Variants in CYP4X1 observed in about 807,000 individuals in gnomAD.
CYP4X1 encodes the protein cytochrome P450 family 4 subfamily X member 1, also known as cytochrome P450 4X1.
CYP4X1 carries 44 observed loss-of-function variants against 57.9 expected under a neutral mutation model. The ratio of observed to expected loss-of-function variants is 0.76; its 90% confidence interval spans 0.60 to 0.98. The LOEUF (loss-of-function observed/expected upper bound fraction) is 0.98. Among genes scored for constraint, CYP4X1 ranks in the 50% least tolerant of loss-of-function variants. The pLI is 0.00. For missense variants in CYP4X1, 532 were observed against 623.9 expected (o/e 0.85, Z 1.57); for synonymous variants, 227 against 228.6 (o/e 0.99, Z 0.06).
chr1:47,023,689 C>A lies in CYP4X1; in HGVS notation c.-129C>A, dbSNP rs1443209993. 8 of 1,432,814 alleles carry A rather than the reference C, an allele frequency of 5.6e-6. No individual in the cohort carries two copies. The highest frequency in any genetic ancestry group is 2.8e-5 in the Admixed American group (1 of 35,998). The allele number at this position is 1,432,814 out of a possible 1,614,324, so 88.8% of individuals were successfully genotyped here. On this transcript the variant is annotated 5_prime_UTR_variant, in exon 1 of 12. Coordinates refer to ENST00000371901, the MANE Select transcript of CYP4X1 (RefSeq NM_178033.2). ...CTCCCACTGCCTTTCCTTCTTCCCG[C>A]GAGTCAGAAGCTTCGCGAGGGCCCA...
intron 8 of CYP4X1, among the ~76,000 whole-genome samples, chr1:47,046,262 GA>G (rs1412440533): frequency 6.6e-6 from 1 of 152,124 alleles, no homozygotes; most frequent in African/African-American, 2.4e-5. Context: ...TTATAATAAG[GA>G]TATATGATAT....
chr1:47,050,114 T>C lies in CYP4X1; in HGVS notation c.1470T>C (p.His490=), dbSNP rs771653393. ...CCAGGCCTCTTACTTTCCCCAACCA[T>C]TTTATCCTCAAGCCCAAGAATGGGA... ...DPTRPLTFPN[H]FILKPKNGMY... The change falls in exon 12 of 12, where the codon CAT becomes CAC. Residue 490 remains histidine, a synonymous_variant. Transcript: ENST00000371901. 6.2e-7 allele frequency: 1 copy of C among 1,614,024 alleles called. No individual in the cohort carries two copies. The highest frequency in any genetic ancestry group is 1.1e-5 in the South Asian group (1 of 91,076).
At position 47,030,053 on chromosome 1, in the gene CYP4X1, C is replaced by G; in HGVS notation, c.241C>G (p.Pro81Ala). The change falls in exon 2 of 12, where the codon CCT becomes GCT. Residue 81 changes from proline to alanine, a missense_variant. Coordinates refer to ENST00000371901, the MANE Select transcript of CYP4X1 (RefSeq NM_178033.2). ...EIIEKYPRAFPFWIGPFQAFF... is the reference protein window; with the variant it reads ...EIIEKYPRAFAFWIGPFQAFF... Reference sequence around the variant, plus strand: ...TATTGAAAAATACCCTCGTGCCTTCCCTTTCTGGATTGGGCCCTTTCAGGC... The same window carrying G: ...TATTGAAAAATACCCTCGTGCCTTCGCTTTCTGGATTGGGCCCTTTCAGGC... 1 of 1,614,062 alleles carries G rather than the reference C, an allele frequency of 6.2e-7. No individual in the cohort carries two copies. The highest frequency in any genetic ancestry group is 8.5e-7 in the Non-Finnish European group (1 of 1,179,990).
chr1:46,965,242 T>C, the CYP4X1 span, among the ~76,000 whole-genome samples: 1 of 152,198 alleles, frequency 6.6e-6, no homozygotes, highest in African/African-American at 2.4e-5. Context: ...CTGCACCCAC[T>C]GTGCTGCACC....
the CYP4X1 span, among the ~76,000 whole-genome samples, chr1:47,016,604 G>A: frequency 1.3e-5 from 2 of 152,184 alleles, no homozygotes; most frequent in East Asian, 1.9e-4. Flanking sequence ...GCCTCCCAAA[G>A]TGCTGGGATT....
the CYP4X1 span, among the ~76,000 whole-genome samples, chr1:46,999,206 C>G: frequency 6.6e-6 from 1 of 152,104 alleles, no homozygotes; most frequent in Non-Finnish European, 1.5e-5. Flanking sequence ...TGGCCCCAGA[C>G]TTTTCTTGAT....
At chr1:47,027,833 T>A (rs1644086224) in intron 1 of CYP4X1, among the ~76,000 whole-genome samples, 1 of 152,158 alleles carries the variant, frequency 6.6e-6, no homozygotes, top group African/African-American at 2.4e-5. Context: ...CCTCTAGTAC[T>A]CTCTATCTCC....
chr1:46,970,268 A>G, the CYP4X1 span, among the ~76,000 whole-genome samples: 5 of 152,238 alleles, frequency 3.3e-5, no homozygotes, highest in Admixed American at 1.3e-4. Context: ...ATACAGTGAA[A>G]TTTGGAAGAC....
At chr1:47,036,291 T>A (rs964029237) in intron 6 of CYP4X1, 120 bp downstream of exon 6, 14 of 1,233,962 alleles carry the variant, frequency 1.1e-5, no homozygotes, top group Admixed American at 2.9e-5. Flanking sequence ...GGAGCTTTTA[T>A]ATAGACACTG....
the CYP4X1 span, among the ~76,000 whole-genome samples, chr1:47,012,317 C>A: frequency 7.9e-3 from 1,197 of 152,212 alleles, 8 homozygotes; most frequent in African/African-American, 0.027. Flanking sequence ...GACAGAAAAC[C>A]AAACACTGTA....
At chr1:46,997,254 T>G in the CYP4X1 span, among the ~76,000 whole-genome samples, 1 of 152,234 alleles carries the variant, frequency 6.6e-6, no homozygotes, top group Admixed American at 6.5e-5. Context: ...AGGAGGTACA[T>G]GTACATGTTT....
chr1:46,966,605 T>C, the CYP4X1 span, among the ~76,000 whole-genome samples: 10 of 152,286 alleles, frequency 6.6e-5, no homozygotes, highest in African/African-American at 1.9e-4. Context: ...ATTGTTTGCC[T>C]AGTCAGTCCC....
chr1:47,023,595 G>A, upstream of CYP4X1: 1 of 1,319,666 alleles, frequency 7.6e-7, no homozygotes, highest in Non-Finnish European at 9.7e-7. Context: ...AACGAAGCGT[G>A]CGCGCTTTGG....
chr1:46,994,948 G>A, the CYP4X1 span, among the ~76,000 whole-genome samples: 3 of 152,146 alleles, frequency 2.0e-5, no homozygotes, highest in Non-Finnish European at 4.4e-5. Flanking sequence ...CAGAGGAGTA[G>A]AAACTTCTGT....
In CYP4X1 at chr1:47,050,416, T is replaced by A; in HGVS notation, c.*242T>A. ...TAAACTTTCACTACTATTAATGCTG[T>A]ATACACCAATAGACTTTCATATATT... On this transcript the variant is annotated 3_prime_UTR_variant, in exon 12 of 12. Transcript: ENST00000371901. 5.5e-6 allele frequency: 2 copies of A among 364,900 alleles called. No individual in the cohort carries two copies. The highest frequency in any genetic ancestry group is 1.0e-5 in the Non-Finnish European group (2 of 200,250). The allele number at this position is 364,900 out of a possible 1,614,324, so 22.6% of individuals were successfully genotyped here.
chr1:46,986,387 A>G, the CYP4X1 span, among the ~76,000 whole-genome samples: 1 of 152,250 alleles, frequency 6.6e-6, no homozygotes, highest in African/African-American at 2.4e-5. Flanking sequence ...GACTATGTGA[A>G]AAGACCAAAC....
the CYP4X1 span, among the ~76,000 whole-genome samples, chr1:46,962,951 A>G: frequency 1.3e-5 from 2 of 152,316 alleles, no homozygotes; most frequent in Middle Eastern, 3.4e-3. Flanking sequence ...TTGGGTGCAT[A>G]TATATTTAGG....
chr1:47,023,647 C>G, upstream of CYP4X1: 1 of 1,395,804 alleles, frequency 7.2e-7, no homozygotes, highest in Non-Finnish European at 9.3e-7. Flanking sequence ...CCTCCTCTCC[C>G]CAGGCCTGAG....
At chr1:47,045,395 A>G (rs943812052) in intron 8 of CYP4X1, among the ~76,000 whole-genome samples, 5 of 152,208 alleles carry the variant, frequency 3.3e-5, no homozygotes, top group Admixed American at 2.6e-4. Flanking sequence ...AGTTCTTTTT[A>G]TCTCTGGGGA....
Sources: allele counts gnomAD v4.1 joint callset (sites outside exome capture counted in the v4.1 genomes callset), GRCh38; gene constraint gnomAD v4.1.1; transcripts MANE v1.5; gene names NCBI Gene and HGNC (gene_info 2026-07-23, HGNC 2026-07-21).